ULK4: variants seen among roughly 807,000 people sequenced by gnomAD.
ULK4 encodes unc-51 like kinase 4.
Under a neutral mutation model 160.6 loss-of-function variants are expected in ULK4, and 133 were observed. The ratio of observed to expected loss-of-function variants is 0.83; its 90% confidence interval spans 0.72 to 0.96. ULK4 has a LOEUF of 0.96. ULK4 is among the 40% of genes least tolerant of loss of function. ULK4 has a pLI of 0.00. For missense variants in ULK4, 1,580 were observed against 1,499.5 expected, an observed-to-expected ratio of 1.05 and a Z score of -0.89; for synonymous variants, 534 against 539.8, an observed-to-expected ratio of 0.99 and a Z score of 0.15.
At chr3:41,306,796 G>A (rs1320164410) in intron 35 of ULK4, among the ~76,000 whole-genome samples, 1 of 151,790 alleles carries the variant, frequency 6.6e-6, no homozygotes, top group Non-Finnish European at 1.5e-5. Context: ...ATTTTGTTCT[G>A]TACTAAGAAA....
intron 29 of ULK4, among the ~76,000 whole-genome samples, chr3:41,676,958 C>T (rs2035742515): frequency 7.5e-6 from 1 of 133,592 alleles, no homozygotes; most frequent in Admixed American, 8.7e-5. Context: ...ATTGCCCAGG[C>T]TGGAGTGGTA....
chr3:41,385,107 T>G (rs1193415413), intron 35 of ULK4, among the ~76,000 whole-genome samples: 1 of 152,172 alleles, frequency 6.6e-6, no homozygotes, highest in African/African-American at 2.4e-5. Context: ...TTGTTAATTT[T>G]CTTAGTTGTG....
intron 22 of ULK4, among the ~76,000 whole-genome samples, chr3:41,742,111 C>T (rs1209488678): frequency 6.6e-6 from 1 of 151,788 alleles, no homozygotes; most frequent in African/African-American, 2.4e-5. Context: ...CCTTCCCAGT[C>T]CTCCAGTTTT....
At chr3:41,270,590 T>A (rs1445384563) in intron 35 of ULK4, among the ~76,000 whole-genome samples, 1 of 152,236 alleles carries the variant, frequency 6.6e-6, no homozygotes, top group Admixed American at 6.5e-5. Context: ...TAGAGGCACA[T>A]CCTGTTAGTA....
At chr3:41,615,600 A>G in intron 31 of ULK4, 69 bp downstream of exon 31, 1 of 1,517,076 alleles carries the variant, frequency 6.6e-7, no homozygotes, top group Non-Finnish European at 9.1e-7. Flanking sequence ...ACACAGTCCT[A>G]CAACATGGTT....
intron 35 of ULK4, among the ~76,000 whole-genome samples, chr3:41,279,475 C>A (rs2079307243): frequency 6.6e-6 from 1 of 152,054 alleles, no homozygotes; most frequent in Non-Finnish European, 1.5e-5. Context: ...CAAAGATACT[C>A]CTTGAGAAGA....
chr3:41,575,945 A>C (rs1234068362), intron 31 of ULK4, among the ~76,000 whole-genome samples: 1 of 152,236 alleles, frequency 6.6e-6, no homozygotes, highest in Non-Finnish European at 1.5e-5. Context: ...CTGCTCAGAC[A>C]GGAGGACCCT....
intron 35 of ULK4, among the ~76,000 whole-genome samples, chr3:41,392,270 T>C (rs1379330201): frequency 6.6e-6 from 1 of 152,130 alleles, no homozygotes; most frequent in Non-Finnish European, 1.5e-5. Context: ...AATCGTTAGG[T>C]TTCTTCAACA....
rs562870582 is a variant in ULK4, at chr3:41,612,206, G to C, written c.3120+3463C>G. On this transcript the variant is annotated intron_variant, in intron 31 of 36. Coordinates refer to ENST00000301831, the MANE Select transcript of ULK4 (RefSeq NM_017886.4). ...GTGGTTTCTAGAATCAATCCCACGA[G>C]GATACTAGAGCCAAGTATACTTAGC... Among the ~76,000 whole-genome samples, 3 of 152,178 alleles carry C rather than the reference G, an allele frequency of 2.0e-5. No homozygotes were observed. In the South Asian group the frequency reaches 6.2e-4, roughly 32 times the overall value.
At chr3:41,486,201 T>G (rs2084523882) in intron 32 of ULK4, among the ~76,000 whole-genome samples, 1 of 152,130 alleles carries the variant, frequency 6.6e-6, no homozygotes, top group Non-Finnish European at 1.5e-5. Context: ...GGCTAAAAAA[T>G]AATTGCAGTA....
intron 35 of ULK4, among the ~76,000 whole-genome samples, chr3:41,394,849 G>T (rs988256192): frequency 1.6e-4 from 24 of 151,986 alleles, no homozygotes; most frequent in Admixed American, 1.6e-3. Context: ...GAAAGCTTTC[G>T]GAAGATTTTG....
At chr3:41,504,175 C>T (rs2085302914) in intron 32 of ULK4, among the ~76,000 whole-genome samples, 2 of 152,122 alleles carry the variant, frequency 1.3e-5, no homozygotes, top group African/African-American at 4.8e-5. Context: ...CAAATATCAA[C>T]ATAAAAAGAG....
At chr3:41,823,064 G>C (rs1208085226) in intron 18 of ULK4, among the ~76,000 whole-genome samples, 1 of 150,814 alleles carries the variant, frequency 6.6e-6, no homozygotes, top group Non-Finnish European at 1.5e-5. Flanking sequence ...AGTCAGTCAA[G>C]ATAATGATGA....
intron 34 of ULK4, among the ~76,000 whole-genome samples, chr3:41,422,072 A>T (rs2082676119): frequency 6.6e-6 from 1 of 152,110 alleles, no homozygotes; most frequent in Non-Finnish European, 1.5e-5. Flanking sequence ...GCAGAATAAT[A>T]AAGAGAAAAA....
At chr3:41,689,974 A>G (rs1367842724) in intron 27 of ULK4, among the ~76,000 whole-genome samples, 2 of 148,818 alleles carry the variant, frequency 1.3e-5, no homozygotes, top group Non-Finnish European at 2.9e-5. Context: ...TCATGCTGCT[A>G]TAAAGACACA....
intron 2 of ULK4, among the ~76,000 whole-genome samples, chr3:41,945,206 A>G (rs2148834684): frequency 6.6e-6 from 1 of 152,356 alleles, no homozygotes; most frequent in South Asian, 2.1e-4. Flanking sequence ...TGCCACCAGT[A>G]GGAAGCCACC....
At chr3:41,830,672 C>A (rs1390070042) in intron 18 of ULK4, among the ~76,000 whole-genome samples, 2 of 152,144 alleles carry the variant, frequency 1.3e-5, no homozygotes, top group Non-Finnish European at 2.9e-5. Flanking sequence ...ATTGGTAAGA[C>A]AGTAGACCAG....
intron 18 of ULK4, among the ~76,000 whole-genome samples, chr3:41,829,452 AAAAC>A (rs1258084961): frequency 1.3e-5 from 2 of 151,856 alleles, no homozygotes; most frequent in South Asian, 2.1e-4. Flanking sequence ...ACAAGAAAAA[AAAAC>A]AAACAACCCC....
intron 15 of ULK4, among the ~76,000 whole-genome samples, chr3:41,896,230 GGTCT>G (rs1698148708): frequency 6.6e-6 from 1 of 152,054 alleles, no homozygotes; most frequent in Admixed American, 6.6e-5. Context: ...GAAGGTAAAA[GGTCT>G]GTCTTATGAT....
Sources: allele counts gnomAD v4.1 joint callset (sites outside exome capture counted in the v4.1 genomes callset), GRCh38; gene constraint gnomAD v4.1.1; transcripts MANE v1.5; gene names NCBI Gene and HGNC (gene_info 2026-07-23, HGNC 2026-07-21).